The following SNTG1 variants were observed in gnomAD, a reference collection of about 807,000 sequenced individuals.
SNTG1 encodes syntrophin gamma 1, also known as gamma-1-syntrophin.
In SNTG1, 39 loss-of-function variants were observed where a neutral mutation model predicts 74.7. That is an observed-to-expected ratio of 0.52 (90% CI 0.40 to 0.68). The LOEUF (loss-of-function observed/expected upper bound fraction) is 0.68. SNTG1 is among the 30% of genes least tolerant of loss of function. The pLI is 0.00. For missense variants in SNTG1, 685 were observed against 609.5 expected, an observed-to-expected ratio of 1.12 and a Z score of -1.30; for synonymous variants, 254 against 217.1, an observed-to-expected ratio of 1.17 and a Z score of -1.49.
intron 2 of SNTG1, among the ~76,000 whole-genome samples, chr8:50,391,624 T>C (rs914660050): frequency 6.6e-6 from 1 of 152,188 alleles, no homozygotes; most frequent in African/African-American, 2.4e-5. Flanking sequence ...TTCTATTGAT[T>C]GGAATAGTTT....
intron 1 of SNTG1, among the ~76,000 whole-genome samples, chr8:49,925,555 T>G (rs1384859018): frequency 1.3e-5 from 2 of 152,194 alleles, no homozygotes; most frequent in Non-Finnish European, 2.9e-5. Context: ...ATACAACTGT[T>G]TTAGCACCAC....
chr8:50,587,224 G>A (rs1196321831), intron 12 of SNTG1, among the ~76,000 whole-genome samples: 2 of 151,308 alleles, frequency 1.3e-5, no homozygotes, highest in Non-Finnish European at 2.9e-5. Flanking sequence ...ATACATATAT[G>A]TAGGTATATA....
intron 2 of SNTG1, among the ~76,000 whole-genome samples, chr8:50,299,237 T>C (rs553703078): frequency 1.6e-4 from 25 of 152,242 alleles, no homozygotes; most frequent in African/African-American, 6.0e-4. Flanking sequence ...TCAACCAGGC[T>C]GGAATGCAGT....
At chr8:49,910,398 T>C (rs180919167), upstream of SNTG1, among the ~76,000 whole-genome samples, 343 of 151,500 alleles carry the variant, frequency 2.3e-3, 1 homozygote, top group Admixed American at 4.9e-3. Context: ...ACTGCACAAG[T>C]TAGGAGTCTG....
intron 2 of SNTG1, among the ~76,000 whole-genome samples, chr8:50,330,013 G>A (rs368900955): frequency 3.2e-4 from 49 of 152,208 alleles, no homozygotes; most frequent in East Asian, 9.7e-4. Flanking sequence ...AAGAAGTTCC[G>A]CGTATCCATT....
chr8:49,973,792 AAAC>A (rs1811941283), intron 1 of SNTG1, among the ~76,000 whole-genome samples: 1 of 152,318 alleles, frequency 6.6e-6, no homozygotes, highest in African/African-American at 2.4e-5. Context: ...ATAAAAATGA[AAAC>A]AACAATGATA....
chr8:50,293,598 T>C (rs2130586636), intron 2 of SNTG1, among the ~76,000 whole-genome samples: 1 of 152,002 alleles, frequency 6.6e-6, no homozygotes, highest in Admixed American at 6.6e-5. Flanking sequence ...TTAGTAGAGA[T>C]GGGGTTTCAC....
intron 13 of SNTG1, among the ~76,000 whole-genome samples, chr8:50,619,323 C>A (rs919475865): frequency 1.3e-5 from 2 of 152,070 alleles, no homozygotes; most frequent in African/African-American, 2.4e-5. Flanking sequence ...ATCTGGAGTA[C>A]CTATATATGC....
At chr8:50,049,233 C>T (rs142626322) in intron 1 of SNTG1, among the ~76,000 whole-genome samples, 5 of 151,980 alleles carry the variant, frequency 3.3e-5, no homozygotes, top group East Asian at 1.9e-4. Flanking sequence ...TAACAGAATG[C>T]GCAAGGAAAC....
chr8:50,461,621 G>C (rs546710702), intron 8 of SNTG1, among the ~76,000 whole-genome samples: 92 of 152,082 alleles, frequency 6.0e-4, no homozygotes, highest in Admixed American at 2.0e-3. Context: ...TATTTTACTG[G>C]TCAACTGGTT....
At position 50,665,408 on chromosome 8, in the gene SNTG1, TTGTGTG is replaced by T. The variant is rs144086828; in HGVS notation, c.1038+6760_1038+6765del. The stretch of plus-strand genomic sequence containing the variant: ...TGCAGCCTCAGTTTGTAGTGTGTGT[TTGTGTG>T]TGTGTGTGTGTGTGCATGCATGTAT... On this transcript the variant is annotated intron_variant, in intron 15 of 18. Transcript: ENST00000642720. 3.4e-5 allele frequency among the ~76,000 whole-genome samples: 5 copies of T among 149,024 alleles called. No homozygotes were observed. In the Admixed American group the frequency reaches 3.4e-4, roughly 10 times the overall value.
intron 9 of SNTG1, among the ~76,000 whole-genome samples, chr8:50,511,983 G>A (rs571132937): frequency 3.9e-4 from 60 of 152,126 alleles, no homozygotes; most frequent in East Asian, 1.6e-3. Context: ...TATTTTGCTC[G>A]TTAGTTGATG....
intron 8 of SNTG1, among the ~76,000 whole-genome samples, chr8:50,451,439 C>T (rs188110074): frequency 4.0e-5 from 6 of 151,756 alleles, no homozygotes; most frequent in Admixed American, 3.3e-4. Context: ...ATAAAGACTG[C>T]GTGTGTGTGT....
intron 1 of SNTG1, among the ~76,000 whole-genome samples, chr8:50,092,462 C>T (rs1399119680): frequency 6.6e-6 from 1 of 152,112 alleles, no homozygotes; most frequent in African/African-American, 2.4e-5. Context: ...ACCTGACTGA[C>T]CGGCAGGAAT....
chr8:50,743,241 TA>T (rs1585689516), intron 17 of SNTG1, among the ~76,000 whole-genome samples: 1 of 151,856 alleles, frequency 6.6e-6, no homozygotes, highest in African/African-American at 2.4e-5. Flanking sequence ...AATATTAATT[TA>T]AAAAACTCTC....
intron 1 of SNTG1, among the ~76,000 whole-genome samples, chr8:49,920,531 T>G (rs1806438363): frequency 6.6e-6 from 1 of 152,046 alleles, no homozygotes; most frequent in Non-Finnish European, 1.5e-5. Flanking sequence ...TGCTTTAGAT[T>G]GCAGTAAATA....
At chr8:50,143,136 T>C (rs2081733213) in intron 1 of SNTG1, among the ~76,000 whole-genome samples, 1 of 152,112 alleles carries the variant, frequency 6.6e-6, no homozygotes, top group Non-Finnish European at 1.5e-5. Flanking sequence ...GTGTCTCCCA[T>C]TACCCAGAAC....
intron 18 of SNTG1, among the ~76,000 whole-genome samples, chr8:50,770,617 G>A (rs1187294965): frequency 6.6e-6 from 1 of 152,004 alleles, no homozygotes; most frequent in Non-Finnish European, 1.5e-5. Context: ...TTTGCAGGCT[G>A]CTATGGTTTT....
At chr8:50,475,218 A>G (rs1012540919) in intron 8 of SNTG1, among the ~76,000 whole-genome samples, 8 of 148,182 alleles carry the variant, frequency 5.4e-5, no homozygotes, top group Non-Finnish European at 1.5e-5. Flanking sequence ...CCTAAAACTT[A>G]AAGTATAATA....
Sources: gnomAD v4.1 joint callset for allele counts (sites outside exome capture counted in the v4.1 genomes callset) on GRCh38, gnomAD v4.1.1 for gene constraint, MANE v1.5 for transcripts, NCBI Gene and HGNC (gene_info 2026-07-23, HGNC 2026-07-21) for gene names.